Variants in TK2 observed in about 807,000 individuals in gnomAD.
TK2 encodes thymidine kinase 2, mitochondrial.
In TK2, 35 loss-of-function variants were observed where a neutral mutation model predicts 41.9. That is an observed-to-expected ratio of 0.84 (90% CI 0.64 to 1.11). The LOEUF (loss-of-function observed/expected upper bound fraction) is 1.11, where lower values mean the gene tolerates loss of function less well. Ranked by LOEUF, TK2 falls within the 50% of genes least tolerant of loss-of-function variation. The pLI is 0.00. For synonymous variants in TK2, 128 were observed against 129.1 expected (o/e 0.99, Z 0.06); for missense variants, 320 against 351.1 (o/e 0.91, Z 0.71).
At chr16:66,545,178 T>C (rs1392297599) in intron 2 of TK2, among the ~76,000 whole-genome samples, 1 of 152,056 alleles carries the variant, frequency 6.6e-6, no homozygotes, top group East Asian at 1.9e-4. Flanking sequence ...TGAATATGCA[T>C]ATATGTATTT....
At position 66,547,550 on chromosome 16, in the gene TK2, T is replaced by A. The variant is rs568796273; in HGVS notation, c.156+1428A>T. ...CACTCCTGCCTCAAACTCTGCTCCA[T>A]CTCCCAGCAGGCAATAAGGCTTCCC... On this transcript the variant is annotated intron_variant, in intron 2 of 9. Coordinates refer to ENST00000544898, the MANE Select transcript of TK2 (RefSeq NM_004614.5). Among the ~76,000 whole-genome samples, 7 of 152,202 alleles carry A rather than the reference T, an allele frequency of 4.6e-5. No individual in the cohort carries two copies. The South Asian group carries it at 1.5e-3, about 32-fold the overall frequency.
chr16:66,516,628 G>T (rs1964622723), intron 8 of TK2, among the ~76,000 whole-genome samples: 1 of 152,180 alleles, frequency 6.6e-6, no homozygotes, highest in African/African-American at 2.4e-5. Context: ...ATGAGAGTCA[G>T]TGTGGCCTGA....
chr16:66,525,772 A>T (rs1021085445), intron 6 of TK2, among the ~76,000 whole-genome samples: 2 of 152,194 alleles, frequency 1.3e-5, no homozygotes, highest in Non-Finnish European at 2.9e-5. Flanking sequence ...AACTTAAAAC[A>T]ATTAGATCCC....
intron 6 of TK2, among the ~76,000 whole-genome samples, chr16:66,526,053 G>C (rs1443889544): frequency 1.3e-5 from 2 of 152,158 alleles, no homozygotes; most frequent in Non-Finnish European, 2.9e-5. Context: ...GGTGATGCAG[G>C]ACCATGGGCG....
At chr16:66,513,664 G>T in intron 9 of TK2, 67 bp downstream of exon 9, 1 of 1,456,492 alleles carries the variant, frequency 6.9e-7, no homozygotes, top group Non-Finnish European at 9.6e-7. Context: ...CTGCAAGGTG[G>T]CTGACATTCC....
In TK2 at chr16:66,517,594, A is replaced by G. The variant is rs1366951551; in HGVS notation, c.538+195T>C. 6.6e-6 allele frequency among the ~76,000 whole-genome samples: 1 copy of G among 152,226 alleles called. No homozygotes were observed. The highest frequency in any genetic ancestry group is 2.4e-5 in the African/African-American group (1 of 41,468). On this transcript the variant is annotated intron_variant, in intron 7 of 9. Transcript: ENST00000544898. This position sits in a 1 kb window ranked among gnomAD's most constrained non-coding sequence, Gnocchi z 4.3. Reference sequence around the variant, plus strand: ...GAGGGAAGTTTAAAGAACAAAGGCCAGGGTTCTTCTCCATGAGAGACCAGA... The same window carrying G: ...GAGGGAAGTTTAAAGAACAAAGGCCGGGGTTCTTCTCCATGAGAGACCAGA...
intron 2 of TK2, chr16:66,548,748 G>A (rs1223358506): frequency 1.9e-6 from 1 of 537,708 alleles, no homozygotes; most frequent in East Asian, 3.0e-5. Context: ...TCTACCTGAA[G>A]GATACAAATA....
chr16:66,523,958 T>G (rs1490442876), intron 6 of TK2, among the ~76,000 whole-genome samples: 2 of 152,260 alleles, frequency 1.3e-5, no homozygotes, highest in African/African-American at 2.4e-5. Context: ...CTAGTCTTCC[T>G]TCCCTTTATC....
At chr16:66,529,602 C>G (rs1192923857) in intron 5 of TK2, among the ~76,000 whole-genome samples, 1 of 152,306 alleles carries the variant, frequency 6.6e-6, no homozygotes, top group Non-Finnish European at 1.5e-5. Context: ...CTGACAGTGC[C>G]CCTTTCTGCC....
At chr16:66,518,424 G>T (rs1964680639) in intron 6 of TK2, among the ~76,000 whole-genome samples, 1 of 152,162 alleles carries the variant, frequency 6.6e-6, no homozygotes, top group East Asian at 1.9e-4. Context: ...TAGCTACTCG[G>T]GAAACTGAGG....
intron 2 of TK2, among the ~76,000 whole-genome samples, chr16:66,547,088 A>T (rs917518065): frequency 4.6e-5 from 7 of 152,100 alleles, no homozygotes; most frequent in Admixed American, 4.6e-4. Context: ...TTATTTTATT[A>T]AAAAACTTTG....
At position 66,511,926 on chromosome 16, in the gene TK2, C is replaced by T. The variant is rs1274329580; in HGVS notation, c.*42G>A. ...TTGCTCCCAATAGCTAACTTGGCAG[C>T]AGCAGGCATTTTTCAGACATGAGCC... On this transcript the variant is annotated 3_prime_UTR_variant, in exon 10 of 10. Transcript: ENST00000544898. 1.3e-6 allele frequency: 2 copies of T among 1,586,350 alleles called. No homozygotes were observed. Among genetic ancestry groups the T allele is most frequent in the Middle Eastern group, 1.7e-4 (1 of 6,040 alleles).
intron 9 of TK2, 93 bp from the exon 10 acceptor site, chr16:66,512,159 G>C (rs1258793285): frequency 7.6e-6 from 9 of 1,179,818 alleles, no homozygotes; most frequent in Non-Finnish European, 1.1e-5. Flanking sequence ...GCAGGCAGCA[G>C]GGGGCAGGGA....
At chr16:66,549,464 T>C in intron 1 of TK2, 2 of 1,042,698 alleles carry the variant, frequency 1.9e-6, no homozygotes, top group Non-Finnish European at 2.3e-6. Context: ...TCAACAGCCA[T>C]ATGGCGGACA....
At chr16:66,534,291 T>C (rs1336398943) in intron 4 of TK2, among the ~76,000 whole-genome samples, 1 of 152,164 alleles carries the variant, frequency 6.6e-6, no homozygotes, top group Admixed American at 6.5e-5. Flanking sequence ...TACTTTTCTT[T>C]GGAAATTCAA....
rs538009801 is a variant in TK2, at chr16:66,542,626, C to T, written c.157-673G>A. 5.9e-5 allele frequency among the ~76,000 whole-genome samples: 9 copies of T among 152,198 alleles called. No homozygotes were observed. The South Asian group carries it at 1.5e-3, about 25-fold the overall frequency. ...CTAGACTCTGCTCACAATGACTGCA[C>T]GTGGGAGGGAAAGGGGGTCATGGCA... On this transcript the variant is annotated intron_variant, in intron 2 of 9. Coordinates refer to ENST00000544898, the MANE Select transcript of TK2 (RefSeq NM_004614.5).
At chr16:66,539,200 GC>G (rs1286503633) in intron 3 of TK2, among the ~76,000 whole-genome samples, 1 of 151,946 alleles carries the variant, frequency 6.6e-6, no homozygotes, top group African/African-American at 2.4e-5. Flanking sequence ...GAGTCCCCAA[GC>G]CCCCCCTCCT....
chr16:66,536,137 G>C (rs570156381), intron 4 of TK2, among the ~76,000 whole-genome samples: 92 of 151,112 alleles, frequency 6.1e-4, no homozygotes, highest in African/African-American at 2.2e-3. Flanking sequence ...CTGGGAGACA[G>C]AGGTTGCAGT....
At chr16:66,524,494 C>A (rs905789217) in intron 6 of TK2, among the ~76,000 whole-genome samples, 3 of 152,116 alleles carry the variant, frequency 2.0e-5, no homozygotes, top group Non-Finnish European at 2.9e-5. Flanking sequence ...CACCACCAGG[C>A]CCAGCTAATT....
Sources: allele counts gnomAD v4.1 joint callset (sites outside exome capture counted in the v4.1 genomes callset), GRCh38; gene constraint gnomAD v4.1.1; non-coding constraint Gnocchi (gnomAD v3.1); transcripts MANE v1.5; gene names NCBI Gene and HGNC (gene_info 2026-07-23, HGNC 2026-07-21).